CHRM2: variants seen among roughly 807,000 people sequenced by gnomAD.
The protein encoded by CHRM2 is muscarinic acetylcholine receptor M2.
CHRM2 carries 8 observed loss-of-function variants against 25.0 expected under a neutral mutation model. The ratio of observed to expected loss-of-function variants is 0.32; its 90% confidence interval spans 0.19 to 0.58. The LOEUF is 0.58. Ranked by LOEUF, CHRM2 falls within the 20% of genes least tolerant of loss-of-function variation. The pLI, the probability that CHRM2 is intolerant of heterozygous loss-of-function variation, is 0.88. For missense variants in CHRM2, 440 were observed against 567.1 expected (o/e 0.78, Z 2.28); for synonymous variants, 202 against 205.7 (o/e 0.98, Z 0.15).
intron 2 of CHRM2, among the ~76,000 whole-genome samples, chr7:136,888,371 T>A (rs990923867): frequency 1.3e-5 from 2 of 152,236 alleles, no homozygotes; most frequent in Admixed American, 6.5e-5. Flanking sequence ...CTAAGCACCT[T>A]TCTGATTTAA....
chr7:136,961,938 T>C (rs1041190618), intron 2 of CHRM2, among the ~76,000 whole-genome samples: 1 of 152,068 alleles, frequency 6.6e-6, no homozygotes, highest in Non-Finnish European at 1.5e-5. Flanking sequence ...TTGGTTCACA[T>C]GACAATCAGT....
At chr7:136,973,554 G>A (rs1206961047) in intron 2 of CHRM2, among the ~76,000 whole-genome samples, 1 of 100,400 alleles carries the variant, frequency 1.0e-5, no homozygotes, top group Admixed American at 9.8e-5. Context: ...TAGGGATGGT[G>A]GTAGGTGATG....
chr7:136,976,022 G>A (rs2130950967), intron 2 of CHRM2, among the ~76,000 whole-genome samples: 1 of 152,196 alleles, frequency 6.6e-6, no homozygotes, highest in East Asian at 1.9e-4. Context: ...ACAGGAGAGG[G>A]ATACTTCCAA....
chr7:136,875,279 T>C (rs559993709), intron 2 of CHRM2, among the ~76,000 whole-genome samples: 3 of 152,070 alleles, frequency 2.0e-5, no homozygotes, highest in Admixed American at 2.0e-4. Context: ...GTGAGAAACG[T>C]AGACGTTTTA....
intron 2 of CHRM2, among the ~76,000 whole-genome samples, chr7:136,876,481 A>G (rs1172727668): frequency 4.6e-5 from 7 of 152,144 alleles, no homozygotes; most frequent in Non-Finnish European, 4.4e-5. Flanking sequence ...TCTATTTTCA[A>G]AATAATTTTA....
At chr7:136,964,317 T>A (rs1801280442) in intron 2 of CHRM2, among the ~76,000 whole-genome samples, 1 of 152,152 alleles carries the variant, frequency 6.6e-6, no homozygotes, top group East Asian at 1.9e-4. Context: ...CTATTTCAGC[T>A]TGTTCTCATG....
chr7:136,894,991 T>G (rs181572547), intron 2 of CHRM2, among the ~76,000 whole-genome samples: 171 of 152,266 alleles, frequency 1.1e-3, no homozygotes, highest in Non-Finnish European at 1.8e-3. Flanking sequence ...GAGTCAGCAT[T>G]CTACAACTCT....
chr7:136,922,572 C>T (rs1257647552), intron 2 of CHRM2, among the ~76,000 whole-genome samples: 2 of 152,160 alleles, frequency 1.3e-5, no homozygotes, highest in South Asian at 4.1e-4. Context: ...CTACAGTTCC[C>T]TCATCTTCCT....
chr7:137,011,215 G>GTGTGTGTGTGTGTGTATATA, intron 3 of CHRM2, among the ~76,000 whole-genome samples: 15 of 134,330 alleles, frequency 1.1e-4, no homozygotes, highest in Non-Finnish European at 2.0e-4. Flanking sequence ...GTGTGTGTGT[G>GTGTGTGTGTGTGTGTATATA]TATATATATA....
At chr7:136,963,124 C>A (rs1801202269) in intron 2 of CHRM2, among the ~76,000 whole-genome samples, 1 of 152,056 alleles carries the variant, frequency 6.6e-6, no homozygotes, top group African/African-American at 2.4e-5. Flanking sequence ...GAGAAAATTA[C>A]TTTTGAAACA....
chr7:136,986,353 C>T (rs1802854671), intron 2 of CHRM2, among the ~76,000 whole-genome samples: 1 of 152,052 alleles, frequency 6.6e-6, no homozygotes, highest in Non-Finnish European at 1.5e-5. Flanking sequence ...CTTTTCTATA[C>T]CCTAATTATT....
At chr7:136,896,392 G>A (rs1201807719) in intron 2 of CHRM2, among the ~76,000 whole-genome samples, 2 of 152,072 alleles carry the variant, frequency 1.3e-5, no homozygotes, top group Admixed American at 6.6e-5. Context: ...AGCATTAAAC[G>A]AAATCTTCCA....
At chr7:136,876,864 AATGATAAGATT>A in intron 2 of CHRM2, among the ~76,000 whole-genome samples, 1 of 152,032 alleles carries the variant, frequency 6.6e-6, no homozygotes, top group South Asian at 2.1e-4. Context: ...TAGTGCTTTA[AATGATAAGATT>A]CTGAATTACT....
At chr7:137,004,401 A>C (rs563710917) in intron 3 of CHRM2, among the ~76,000 whole-genome samples, 1 of 152,234 alleles carries the variant, frequency 6.6e-6, no homozygotes, top group African/African-American at 2.4e-5. Flanking sequence ...GATAGAGGTA[A>C]AGATTATGGT....
In CHRM2 at chr7:136,934,659, A is replaced by C. The variant is rs568446623; in HGVS notation, c.-124-57528A>C. Among the ~76,000 whole-genome samples, 16 of 152,230 alleles carry C rather than the reference A, an allele frequency of 1.1e-4. No individual in the cohort carries two copies. In the East Asian group the frequency reaches 2.9e-3, roughly 28 times the overall value. ...ATTCTACCATTTTCCCAAAGCCCCC[A>C]AAAAAGATATTGGAAGGATAGGGTT... is the stretch of plus-strand genomic sequence containing the variant. On this transcript the variant is annotated intron_variant, in intron 2 of 3. Transcript: ENST00000680005.
intron 2 of CHRM2, among the ~76,000 whole-genome samples, chr7:136,892,669 T>TTC (rs1346869500): frequency 8.0e-6 from 1 of 125,304 alleles, no homozygotes; most frequent in African/African-American, 3.3e-5. Context: ...TTATTAAAAG[T>TTC]TCTTTTTTTT....
intron 3 of CHRM2, among the ~76,000 whole-genome samples, chr7:137,009,726 C>T (rs1699157688): frequency 6.6e-6 from 1 of 152,050 alleles, no homozygotes; most frequent in Admixed American, 6.6e-5. Context: ...TTTAGTTCAA[C>T]ATTTATAAAA....
intron 2 of CHRM2, among the ~76,000 whole-genome samples, chr7:136,940,524 A>G (rs1799706002): frequency 6.6e-6 from 1 of 152,224 alleles, no homozygotes; most frequent in African/African-American, 2.4e-5. Flanking sequence ...GAGATTTAAG[A>G]GCATAGCCAA....
intron 2 of CHRM2, among the ~76,000 whole-genome samples, chr7:136,989,006 G>A (rs1196212489): frequency 6.6e-6 from 1 of 151,860 alleles, no homozygotes. Context: ...AAACCTATGA[G>A]GTTGGTGCCA....
Sources: allele counts gnomAD v4.1 joint callset (sites outside exome capture counted in the v4.1 genomes callset), GRCh38; gene constraint gnomAD v4.1.1; transcripts MANE v1.5; gene names NCBI Gene and HGNC (gene_info 2026-07-23, HGNC 2026-07-21).